The following PVT1 variants were observed in gnomAD, a reference collection of about 807,000 sequenced individuals.
PVT1 encodes the protein Pvt1 oncogene.
intron 3 of PVT1, among the ~76,000 whole-genome samples, chr8:127,945,804 C>G (rs1816413239): frequency 6.6e-6 from 1 of 152,090 alleles, no homozygotes; most frequent in Non-Finnish European, 1.5e-5. Context: ...TTTTTTCCTT[C>G]AACTAACCAA....
chr8:127,970,289 GTTTTTTTTTTTT>G (rs68010926), intron 3 of PVT1, among the ~76,000 whole-genome samples: 6 of 49,116 alleles, frequency 1.2e-4, no homozygotes, highest in Non-Finnish European at 2.1e-4. Flanking sequence ...GCCATGATTT[GTTTTTTTTTTTT>G]TTTTTTTTTT....
chr8:128,044,937 A>T lies in PVT1; in HGVS notation n.913-25223A>T, dbSNP rs1000621879. Among the ~76,000 whole-genome samples the T allele has an allele frequency of 3.3e-5, 5 of 152,314 alleles. No individual in the cohort carries two copies. The East Asian group carries it at 5.8e-4, about 18-fold the overall frequency. ...CCATACAATTCTTGATATGTAGTTG[A>T]CATACACTACTGTAAGGTACATGAA... On this transcript the variant is annotated intron_variant and non_coding_transcript_variant, in intron 4 of 10. Coordinates refer to ENST00000651587, the Ensembl canonical transcript of PVT1.
At chr8:127,891,583 G>A (rs942524617) in intron 3 of PVT1, among the ~76,000 whole-genome samples, 8 of 152,314 alleles carry the variant, frequency 5.3e-5, no homozygotes, top group East Asian at 3.9e-4. Context: ...ATTATCACAC[G>A]TCACAGGACT....
intron 2 of PVT1, among the ~76,000 whole-genome samples, chr8:127,884,942 C>A (rs550278769): frequency 6.6e-6 from 1 of 152,200 alleles, no homozygotes; most frequent in East Asian, 1.9e-4. Flanking sequence ...TTAATGGATC[C>A]GACCCCAACA....
At chr8:128,075,981 C>G (rs974130062) in intron 5 of PVT1, among the ~76,000 whole-genome samples, 5 of 152,188 alleles carry the variant, frequency 3.3e-5, no homozygotes, top group Non-Finnish European at 5.9e-5. Context: ...TTATATCAAA[C>G]CAGTAGACAG....
intron 3 of PVT1, among the ~76,000 whole-genome samples, chr8:127,986,603 A>G (rs1289534391): frequency 6.6e-6 from 1 of 151,952 alleles, no homozygotes; most frequent in Non-Finnish European, 1.5e-5. Flanking sequence ...CCCACCAATT[A>G]TTGGCATTGG....
chr8:128,071,436 C>A (rs370259034), intron 5 of PVT1, among the ~76,000 whole-genome samples: 1 of 151,956 alleles, frequency 6.6e-6, no homozygotes, highest in East Asian at 1.9e-4. Context: ...AATCCCAGAA[C>A]TTTTGGAGGC....
At chr8:127,967,923 A>G (rs1389733968) in intron 3 of PVT1, among the ~76,000 whole-genome samples, 2 of 152,164 alleles carry the variant, frequency 1.3e-5, no homozygotes, top group Admixed American at 1.3e-4. Context: ...CGCCTGTAGT[A>G]TGTGCTTGGA....
intron 4 of PVT1, among the ~76,000 whole-genome samples, chr8:128,045,014 A>T (rs1439680772): frequency 1.3e-5 from 2 of 152,132 alleles, no homozygotes; most frequent in Non-Finnish European, 2.9e-5. Context: ...TGTTGGGGCC[A>T]CTCTGGCCAG....
chr8:128,033,241 G>A (rs150565179), intron 4 of PVT1, among the ~76,000 whole-genome samples: 13 of 152,322 alleles, frequency 8.5e-5, no homozygotes, highest in African/African-American at 9.6e-5. Context: ...GTGGGACCAC[G>A]GGGCTTTATC....
At chr8:127,828,792 A>T (rs1814819348) in intron 2 of PVT1, among the ~76,000 whole-genome samples, 1 of 152,016 alleles carries the variant, frequency 6.6e-6, no homozygotes, top group South Asian at 2.1e-4. Context: ...TTTGCACGGG[A>T]TGGAAAGCTG....
chr8:127,810,975 G>T (rs562122486), intron 2 of PVT1, among the ~76,000 whole-genome samples: 1 of 152,226 alleles, frequency 6.6e-6, no homozygotes, highest in South Asian at 2.1e-4. Context: ...TCTACAGTGG[G>T]TTCCTGTCAG....
chr8:128,022,458 G>A (rs920973533), intron 4 of PVT1, among the ~76,000 whole-genome samples: 2 of 152,186 alleles, frequency 1.3e-5, no homozygotes, highest in Non-Finnish European at 2.9e-5. Context: ...GTTGGCCAGA[G>A]CTTGTGCTAG....
chr8:127,883,219 G>A (rs1202931247), intron 2 of PVT1, among the ~76,000 whole-genome samples: 1 of 152,064 alleles, frequency 6.6e-6, no homozygotes, highest in African/African-American at 2.4e-5. Flanking sequence ...GACCAGGGAC[G>A]CCTTCCCTCA....
At chr8:127,940,754 C>T (rs11990664) in intron 3 of PVT1, among the ~76,000 whole-genome samples, 45,283 of 151,794 alleles carry the variant, frequency 0.3, 7,129 homozygotes, top group East Asian at 0.51. Flanking sequence ...GCATGAGCTA[C>T]CACACCTGGC....
intron 4 of PVT1, among the ~76,000 whole-genome samples, chr8:128,000,153 C>T (rs1202302240): frequency 6.6e-6 from 1 of 152,222 alleles, no homozygotes; most frequent in Non-Finnish European, 1.5e-5. Flanking sequence ...TCTTCCCCTG[C>T]ACACTGCTCC....
chr8:128,001,072 G>A (rs1817171467), intron 4 of PVT1, among the ~76,000 whole-genome samples: 2 of 152,212 alleles, frequency 1.3e-5, no homozygotes, highest in South Asian at 2.1e-4. Context: ...TCAACTTGAA[G>A]CAGGTTTCCA....
intron 5 of PVT1, among the ~76,000 whole-genome samples, chr8:128,083,058 A>G (rs1470139051): frequency 6.6e-6 from 1 of 152,222 alleles, no homozygotes; most frequent in African/African-American, 2.4e-5. Flanking sequence ...CTATGTGCCA[A>G]AGTTCCAGAG....
chr8:127,920,608 A>C (rs1332057939), intron 3 of PVT1, among the ~76,000 whole-genome samples: 4 of 152,252 alleles, frequency 2.6e-5, no homozygotes, highest in African/African-American at 7.2e-5. Flanking sequence ...TGTGCCCAGA[A>C]GGCTTGTTAC....
Sources: gnomAD v4.1 joint callset for allele counts (sites outside exome capture counted in the v4.1 genomes callset) on GRCh38, gnomAD v4.1.1 for gene constraint, MANE v1.5 for transcripts, NCBI Gene and HGNC (gene_info 2026-07-23, HGNC 2026-07-21) for gene names.